The following AFF1 variants were observed in gnomAD, a reference collection of about 807,000 sequenced individuals.
AFF1 encodes the protein ALF transcription elongation factor 1.
AFF1 carries 48 observed loss-of-function variants against 121.7 expected under a neutral mutation model. That is an observed-to-expected ratio of 0.39 (90% CI 0.31 to 0.50). The LOEUF is 0.50. Ranked by LOEUF, AFF1 falls within the 20% of genes least tolerant of loss-of-function variation. The pLI is 0.76. For missense variants in AFF1, 1,523 were observed against 1,511.7 expected, an observed-to-expected ratio of 1.01 and a Z score of -0.12; for synonymous variants, 613 against 563.0, an observed-to-expected ratio of 1.09 and a Z score of -1.26.
chr4:86,953,982 A>T (rs1011907341), intron 2 of AFF1, among the ~76,000 whole-genome samples: 1 of 152,258 alleles, frequency 6.6e-6, no homozygotes, highest in South Asian at 2.1e-4. Context: ...AAGTGCTGGG[A>T]TTACAGGCGT....
intron 15 of AFF1, 29 bp downstream of exon 15, chr4:87,127,146 CTGTTT>C (rs1560657361): frequency 8.3e-6 from 12 of 1,441,744 alleles, no homozygotes; most frequent in Admixed American, 3.5e-5. Flanking sequence ...TCTTCTTGCT[CTGTTT>C]TGTTTTGTTT....
rs775962680 is a variant in AFF1, at chr4:87,108,181, C to A, written c.1399C>A (p.Pro467Thr). 7 of 1,614,024 alleles carry A rather than the reference C, an allele frequency of 4.3e-6. No homozygotes were observed. The highest frequency in any genetic ancestry group is 5.9e-6 in the Non-Finnish European group (7 of 1,179,942). The change falls in exon 11 of 21, where the codon CCA becomes ACA. Residue 467 changes from proline to threonine, a missense_variant. Coordinates refer to ENST00000395146, the MANE Select transcript of AFF1 (RefSeq NM_001166693.3). ...PPSAPQSLPE[P>T]VASAHSSSAE... The stretch of plus-strand genomic sequence containing the variant: ...CAGTGCTCCACAGTCCCTTCCAGAA[C>A]CAGTGGCATCAGCACATTCCAGCAG...
intron 2 of AFF1, among the ~76,000 whole-genome samples, chr4:86,992,245 T>C (rs2149507226): frequency 6.6e-6 from 1 of 152,304 alleles, no homozygotes; most frequent in South Asian, 2.1e-4. Context: ...CCCATTTTCT[T>C]GGGGCCTCAT....
intron 1 of AFF1, among the ~76,000 whole-genome samples, chr4:86,941,568 G>A (rs1160736333): frequency 6.6e-6 from 1 of 152,134 alleles, no homozygotes; most frequent in Non-Finnish European, 1.5e-5. Flanking sequence ...TGAGGCAGGA[G>A]AATTGCTTTG....
At chr4:87,129,967 TTTTTTTCTTTTTC>T (rs1425371596) in intron 16 of AFF1, among the ~76,000 whole-genome samples, 26 of 150,386 alleles carry the variant, frequency 1.7e-4, no homozygotes, top group African/African-American at 6.4e-4. Flanking sequence ...TCTTTCTTTC[TTTTTTTCTTTTTC>T]TTTTTTTTTT....
At chr4:87,045,199 C>A (rs1730551442) in intron 2 of AFF1, among the ~76,000 whole-genome samples, 2 of 152,192 alleles carry the variant, frequency 1.3e-5, no homozygotes, top group South Asian at 4.1e-4. Flanking sequence ...ACAGCCTTAA[C>A]TAGACAATCA....
chr4:86,986,905 T>C (rs955194937), intron 2 of AFF1, among the ~76,000 whole-genome samples: 6 of 152,150 alleles, frequency 3.9e-5, no homozygotes, highest in Non-Finnish European at 7.3e-5. Flanking sequence ...TTGCCCAGGC[T>C]GGGGTGCAGT....
chr4:86,963,462 C>T (rs1248875126), intron 2 of AFF1, among the ~76,000 whole-genome samples: 1 of 152,076 alleles, frequency 6.6e-6, no homozygotes, highest in Non-Finnish European at 1.5e-5. Context: ...GTAGATTAGT[C>T]CACAGGGAGT....
chr4:87,042,964 A>G (rs1388454533), intron 2 of AFF1, among the ~76,000 whole-genome samples: 10 of 152,244 alleles, frequency 6.6e-5, no homozygotes, highest in Non-Finnish European at 2.9e-5. Context: ...AAAATATTTT[A>G]GTAATGTAAC....
chr4:87,001,230 T>TTTTC lies in AFF1; in HGVS notation c.39-44933_39-44932insCTTT, dbSNP rs1355826251. Reference sequence around the variant, plus strand: ...TACTTTTTTTTTTTTTTTTTTTTTTTTTTTGGTGACGGCGTCTCGCTCTGT... The same window carrying TTTTC: ...TACTTTTTTTTTTTTTTTTTTTTTTTTTTCTTTTGGTGACGGCGTCTCGCTCTGT... On this transcript the variant is annotated intron_variant, in intron 2 of 20. Transcript: ENST00000395146. 3.7e-5 allele frequency among the ~76,000 whole-genome samples: 5 copies of TTTTC among 135,340 alleles called. 1 individual carries two copies. The highest frequency in any genetic ancestry group is 7.7e-5 in the Non-Finnish European group (5 of 65,132). 88.8% of individuals were successfully genotyped at this position (135,340 alleles called of 152,430 possible).
At chr4:86,988,476 A>G (rs1342197282) in intron 2 of AFF1, among the ~76,000 whole-genome samples, 3 of 152,224 alleles carry the variant, frequency 2.0e-5, no homozygotes, top group East Asian at 1.9e-4. Context: ...TAGGAATCCA[A>G]CTTACAAGGG....
chr4:87,022,580 A>ATATATATATATATATATC (rs1399457511), intron 2 of AFF1, among the ~76,000 whole-genome samples: 1 of 89,354 alleles, frequency 1.1e-5, no homozygotes. Flanking sequence ...ATATATATAT[A>ATATATATATATATATATC]TATCTATCTA....
chr4:86,960,336 C>A (rs556778420), intron 2 of AFF1, among the ~76,000 whole-genome samples: 1 of 152,080 alleles, frequency 6.6e-6, no homozygotes, highest in Non-Finnish European at 1.5e-5. Context: ...CAGTGGGTTC[C>A]GCTGCGTTGT....
At chr4:86,937,860 C>A (rs1720145477) in intron 1 of AFF1, among the ~76,000 whole-genome samples, 2 of 152,166 alleles carry the variant, frequency 1.3e-5, no homozygotes, top group South Asian at 4.1e-4. Flanking sequence ...CCCACTTTTG[C>A]CTCCTCAAGT....
intron 2 of AFF1, among the ~76,000 whole-genome samples, chr4:86,962,829 C>T (rs1722247772): frequency 6.6e-6 from 1 of 152,058 alleles, no homozygotes. Flanking sequence ...TTCATATTTA[C>T]TACTAAAATA....
chr4:87,095,587 A>G (rs236992), intron 8 of AFF1, among the ~76,000 whole-genome samples: 86,907 of 151,986 alleles, frequency 0.57, 25,194 homozygotes, highest in Middle Eastern at 0.69. Flanking sequence ...TTTAGCTGTT[A>G]GAAACAAGTT....
intron 2 of AFF1, among the ~76,000 whole-genome samples, chr4:86,978,123 T>A (rs931861491): frequency 1.3e-5 from 2 of 150,560 alleles, no homozygotes; most frequent in Admixed American, 6.7e-5. Flanking sequence ...AGAATTTTTT[T>A]AAAATGATGT....
intron 2 of AFF1, among the ~76,000 whole-genome samples, chr4:86,951,052 A>G (rs1721265066): frequency 6.6e-6 from 1 of 152,216 alleles, no homozygotes; most frequent in Non-Finnish European, 1.5e-5. Context: ...TTAGCCTGTC[A>G]CGGAATTCTG....
chr4:87,026,661 A>G (rs1728568048), intron 2 of AFF1, among the ~76,000 whole-genome samples: 1 of 152,184 alleles, frequency 6.6e-6, no homozygotes, highest in South Asian at 2.1e-4. Context: ...ATTTCGAATG[A>G]CATGGTTCCT....
Sources: gnomAD v4.1 joint callset for allele counts (sites outside exome capture counted in the v4.1 genomes callset) on GRCh38, gnomAD v4.1.1 for gene constraint, MANE v1.5 for transcripts, NCBI Gene and HGNC (gene_info 2026-07-23, HGNC 2026-07-21) for gene names.